Variants in ARMC8 observed in about 807,000 individuals in gnomAD.
ARMC8 encodes the protein armadillo repeat-containing protein 8.
Under a neutral mutation model 99.3 loss-of-function variants are expected in ARMC8, and 20 were observed. The observed-to-expected ratio is 0.20, with a 90% CI of 0.14 to 0.29. ARMC8 has a LOEUF of 0.29. Ranked by LOEUF, ARMC8 falls within the 10% of genes least tolerant of loss-of-function variation. The pLI is 1.00. For synonymous variants in ARMC8, 263 were observed against 278.3 expected (o/e 0.95, Z 0.55); for missense variants, 569 against 809.5 (o/e 0.70, Z 3.60).
intron 12 of ARMC8, among the ~76,000 whole-genome samples, chr3:138,252,822 G>T (rs561066689): frequency 7.2e-6 from 1 of 138,694 alleles, no homozygotes; most frequent in Non-Finnish European, 1.5e-5. Context: ...CTTCGCATAT[G>T]CCTGTGTGTA....
intron 1 of ARMC8, among the ~76,000 whole-genome samples, chr3:138,201,888 CT>C (rs2044107414): frequency 6.6e-6 from 1 of 152,142 alleles, no homozygotes; most frequent in South Asian, 2.1e-4. Context: ...GTTGTGTTCA[CT>C]TTTATGATTA....
chr3:138,275,666 G>C (rs928838735), intron 18 of ARMC8, among the ~76,000 whole-genome samples: 1 of 152,158 alleles, frequency 6.6e-6, no homozygotes, highest in African/African-American at 2.4e-5. Context: ...TAACTTCAGG[G>C]GCTGTGCTTC....
chr3:138,274,929 C>T (rs951335480), intron 18 of ARMC8, among the ~76,000 whole-genome samples: 2 of 152,308 alleles, frequency 1.3e-5, no homozygotes, highest in Admixed American at 6.5e-5. Flanking sequence ...TCCTGCGACT[C>T]GCTGATAAAA....
intron 13 of ARMC8, 39 bp from the exon 14 acceptor site, chr3:138,264,092 T>A (rs1004771706): frequency 1.9e-6 from 3 of 1,573,532 alleles, no homozygotes; most frequent in Non-Finnish European, 2.6e-6. Context: ...AGTAAAAGTT[T>A]TGATTTCTTG....
chr3:138,244,290 A>G (rs1291864737), intron 11 of ARMC8, among the ~76,000 whole-genome samples: 1 of 151,658 alleles, frequency 6.6e-6, no homozygotes, highest in Non-Finnish European at 1.5e-5. Flanking sequence ...TTATTTATTT[A>G]TTTTTGAGAT....
At chr3:138,275,295 T>C (rs554177387) in intron 18 of ARMC8, among the ~76,000 whole-genome samples, 4 of 152,278 alleles carry the variant, frequency 2.6e-5, no homozygotes, top group African/African-American at 9.6e-5. Context: ...CAGTGGCTCA[T>C]GCCTGTAATC....
rs2047358579 is a variant in ARMC8 at position 138,255,582 on chromosome 3, G to A, written c.1135-8157G>A. On this transcript the variant is annotated intron_variant, in intron 12 of 21. Transcript: ENST00000469044. Reference sequence around the variant, plus strand: ...GGAGTGGATAGCAATGAAAGAGTGAGAGGAGGGAAGAAATACTTTGTCAAG... The same window carrying A: ...GGAGTGGATAGCAATGAAAGAGTGAAAGGAGGGAAGAAATACTTTGTCAAG... Among the ~76,000 whole-genome samples the A allele has an allele frequency of 3.3e-5, 5 of 152,272 alleles. No individual in the cohort carries two copies. The South Asian group carries it at 1.0e-3, about 32-fold the overall frequency.
chr3:138,197,804 C>G (rs992753425), intron 1 of ARMC8, among the ~76,000 whole-genome samples: 1 of 152,160 alleles, frequency 6.6e-6, no homozygotes, highest in Non-Finnish European at 1.5e-5. Context: ...TTTAAGCATT[C>G]TCATCTACAG....
At chr3:138,283,078 G>C (rs2050095817) in intron 18 of ARMC8, among the ~76,000 whole-genome samples, 1 of 152,166 alleles carries the variant, frequency 6.6e-6, no homozygotes, top group Admixed American at 6.5e-5. Flanking sequence ...TAGTTCCCCA[G>C]TGTTTGCTTA....
chr3:138,200,788 A>G (rs1576592140), intron 1 of ARMC8, among the ~76,000 whole-genome samples: 1 of 151,904 alleles, frequency 6.6e-6, no homozygotes, highest in Admixed American at 6.6e-5. Flanking sequence ...AAAATATGCT[A>G]TTAAACATTT....
Position 138,247,533 on chromosome 3 carries a change from A to T in ARMC8, c.1134+2350A>T, listed in dbSNP as rs1192124628. ...TGGTCTGCCATTTAAATTAAAAATG[A>T]GAACATAATTCAATACATTCGGTAA... On this transcript the variant is annotated intron_variant, in intron 12 of 21. Coordinates refer to ENST00000469044, the MANE Select transcript of ARMC8 (RefSeq NM_001363941.2). Among the ~76,000 whole-genome samples the T allele has an allele frequency of 2.6e-5, 4 of 152,260 alleles. No homozygotes were observed. In the East Asian group the frequency reaches 7.7e-4, roughly 29 times the overall value.
chr3:138,223,850 A>C, intron 5 of ARMC8, 117 bp downstream of exon 5: 1 of 844,288 alleles, frequency 1.2e-6, no homozygotes, highest in Middle Eastern at 2.6e-4. Flanking sequence ...TCAGTTGGTC[A>C]TGGTGGCTCA....
chr3:138,190,769 A>G (rs904407517), intron 1 of ARMC8, among the ~76,000 whole-genome samples: 1 of 152,208 alleles, frequency 6.6e-6, no homozygotes, highest in Non-Finnish European at 1.5e-5. Flanking sequence ...GCCATTTGCT[A>G]GGCAAGCATG....
At chr3:138,214,527 A>G (rs1410235617) in intron 2 of ARMC8, among the ~76,000 whole-genome samples, 2 of 152,244 alleles carry the variant, frequency 1.3e-5, no homozygotes, top group Admixed American at 1.3e-4. Context: ...CTAAAGATAA[A>G]GAGTTCCCAT....
At position 138,207,635 on chromosome 3, in the gene ARMC8, T is replaced by TA. The variant is rs571973774; in HGVS notation, c.46-2181dup. On this transcript the variant is annotated intron_variant, in intron 1 of 21. Transcript: ENST00000469044. ...TGTACTCAAATGGAGTGGCAAAACT[T>TA]ACCTGTTTGTATTATAGTAGTGCTT... is the stretch of plus-strand genomic sequence containing the variant. Among the ~76,000 whole-genome samples the TA allele has an allele frequency of 4.6e-4, 70 of 152,318 alleles. No individual in the cohort carries two copies. In the South Asian group the frequency reaches 5.4e-3, roughly 12 times the overall value.
intron 2 of ARMC8, among the ~76,000 whole-genome samples, chr3:138,216,209 A>G (rs939237404): frequency 6.6e-6 from 1 of 152,106 alleles, no homozygotes; most frequent in African/African-American, 2.4e-5. Context: ...ATATATTCCA[A>G]AAATCCACAT....
chr3:138,230,543 C>A (rs1365567566), intron 6 of ARMC8, among the ~76,000 whole-genome samples: 1 of 152,060 alleles, frequency 6.6e-6, no homozygotes, highest in African/African-American at 2.4e-5. Context: ...GTCCCAGCTA[C>A]CCCAGAGACT....
intron 21 of ARMC8, among the ~76,000 whole-genome samples, chr3:138,292,500 G>T (rs1161898690): frequency 1.3e-5 from 2 of 152,174 alleles, no homozygotes; most frequent in Non-Finnish European, 2.9e-5. Flanking sequence ...TTGGATTCAG[G>T]ATTTAATCTG....
intron 21 of ARMC8, among the ~76,000 whole-genome samples, chr3:138,293,887 G>A (rs964500246): frequency 1.3e-5 from 2 of 152,174 alleles, no homozygotes; most frequent in African/African-American, 4.8e-5. Context: ...GACCACTCTG[G>A]TGCTGTTTTC....
Sources: gnomAD v4.1 joint callset for allele counts (sites outside exome capture counted in the v4.1 genomes callset) on GRCh38, gnomAD v4.1.1 for gene constraint, MANE v1.5 for transcripts, NCBI Gene and HGNC (gene_info 2026-07-23, HGNC 2026-07-21) for gene names.